TENM2: variants seen among roughly 807,000 people sequenced by gnomAD.
TENM2 encodes the protein teneurin-2.
A neutral mutation model predicts 245.2 loss-of-function variants in TENM2; 52 were observed. The observed-to-expected ratio is 0.21, with a 90% CI of 0.17 to 0.27. The LOEUF is 0.27. TENM2 is among the 10% of genes least tolerant of loss of function. TENM2 has a pLI of 1.00. For synonymous variants in TENM2, 1,363 were observed against 1,438.9 expected (o/e 0.95, Z 1.19); for missense variants, 3,046 against 3,666.8 (o/e 0.83, Z 4.37).
chr5:167,005,789 G>C, the TENM2 span, among the ~76,000 whole-genome samples: 1 of 150,418 alleles, frequency 6.6e-6, no homozygotes, highest in African/African-American at 2.4e-5. Flanking sequence ...AGCCTCCTGA[G>C]TAGCTGGGAT....
At chr5:167,486,688 T>G (rs1439321330) in intron 2 of TENM2, among the ~76,000 whole-genome samples, 1 of 152,176 alleles carries the variant, frequency 6.6e-6, no homozygotes, top group African/African-American at 2.4e-5. Flanking sequence ...GCCTAAAGAA[T>G]ACATCACTAG....
chr5:167,326,353 C>T (rs950368243), intron 1 of TENM2, among the ~76,000 whole-genome samples: 3 of 151,992 alleles, frequency 2.0e-5, no homozygotes, highest in African/African-American at 4.8e-5. Context: ...GGCCAAAAAT[C>T]GTAGTAATTT....
intron 19 of TENM2, among the ~76,000 whole-genome samples, chr5:168,208,798 C>A (rs1762568576): frequency 6.6e-6 from 1 of 152,052 alleles, no homozygotes; most frequent in Non-Finnish European, 1.5e-5. Flanking sequence ...AAGACTAATA[C>A]AATTTCAGAG....
the TENM2 span, among the ~76,000 whole-genome samples, chr5:167,258,215 G>GTGTATATATA: frequency 2.3e-3 from 282 of 122,858 alleles, 1 homozygote; most frequent in African/African-American, 8.6e-3. Flanking sequence ...ATATATATAT[G>GTGTATATATA]TATATATATA....
At chr5:167,477,325 G>A (rs1383848027) in intron 2 of TENM2, among the ~76,000 whole-genome samples, 1 of 148,626 alleles carries the variant, frequency 6.7e-6, no homozygotes, top group Admixed American at 6.7e-5. Context: ...CCTTTGACTC[G>A]TGCTAAGGAA....
chr5:167,675,418 A>C (rs887629152), intron 2 of TENM2, among the ~76,000 whole-genome samples: 1 of 152,136 alleles, frequency 6.6e-6, no homozygotes, highest in Non-Finnish European at 1.5e-5. Flanking sequence ...ATGAACCCAC[A>C]GTACATTTTT....
chr5:167,318,155 T>C (rs563973426), intron 1 of TENM2, among the ~76,000 whole-genome samples: 457 of 152,284 alleles, frequency 3.0e-3, no homozygotes, highest in Non-Finnish European at 5.3e-3. Flanking sequence ...TGTATATAAA[T>C]GGCTTCAGTT....
At chr5:167,608,362 AT>A (rs1275649736) in intron 2 of TENM2, among the ~76,000 whole-genome samples, 2 of 152,158 alleles carry the variant, frequency 1.3e-5, no homozygotes, top group African/African-American at 4.8e-5. Flanking sequence ...TTATCTGTTA[AT>A]CGAAGGAAAA....
At chr5:168,091,598 C>T (rs1792944314) in intron 8 of TENM2, among the ~76,000 whole-genome samples, 1 of 152,110 alleles carries the variant, frequency 6.6e-6, no homozygotes, top group African/African-American at 2.4e-5. Flanking sequence ...CTGGGTAGAA[C>T]CTCTGTGAAT....
At chr5:168,169,393 C>A (rs921703342) in intron 13 of TENM2, among the ~76,000 whole-genome samples, 16 of 152,196 alleles carry the variant, frequency 1.1e-4, no homozygotes, top group Non-Finnish European at 2.2e-4. Context: ...AGGAGGCTGC[C>A]TTGGGTTAAG....
chr5:168,238,268 A>AGAAAAG lies in TENM2; in HGVS notation c.5521-6151_5521-6146dup, dbSNP rs1765766560. On this transcript the variant is annotated intron_variant, in intron 25 of 28. Transcript: ENST00000518659. ...AGAAAAGAAAAGAAAAGAAAAGAAA[A>AGAAAAG]GAAAAGAAAAGAAAAGAAAAGAAAA... Among the ~76,000 whole-genome samples, 3 of 120,828 alleles carry AGAAAAG rather than the reference A, an allele frequency of 2.5e-5. 1 individual carries two copies. The highest frequency in any genetic ancestry group is 7.6e-4 in the East Asian group (2 of 2,616). 79.3% of individuals were successfully genotyped at this position (120,828 alleles called of 152,430 possible).
At chr5:167,532,968 GA>G (rs1457530922) in intron 2 of TENM2, among the ~76,000 whole-genome samples, 7 of 151,958 alleles carry the variant, frequency 4.6e-5, no homozygotes, top group Non-Finnish European at 8.8e-5. Context: ...TCCAAAATAT[GA>G]ATGTGAAAAC....
chr5:167,273,590 TA>T, the TENM2 span, among the ~76,000 whole-genome samples: 193 of 152,222 alleles, frequency 1.3e-3, 3 homozygotes, highest in South Asian at 0.037. Context: ...AGAATTGTCT[TA>T]AAAAATATGT....
the TENM2 span, among the ~76,000 whole-genome samples, chr5:167,207,778 A>T: frequency 1.3e-5 from 2 of 152,032 alleles, no homozygotes; most frequent in Non-Finnish European, 2.9e-5. Context: ...TTTGAGATGG[A>T]GTTTCACACT....
chr5:167,808,064 CTT>C (rs1334190586), intron 2 of TENM2, among the ~76,000 whole-genome samples: 3 of 152,170 alleles, frequency 2.0e-5, no homozygotes, highest in African/African-American at 7.2e-5. Flanking sequence ...AAGAACTCCT[CTT>C]GAGTCTCAGC....
At chr5:168,165,759 C>A (rs1758228714) in intron 13 of TENM2, 1 of 137,712 alleles carries the variant, frequency 7.3e-6, no homozygotes, top group Admixed American at 7.6e-5. Flanking sequence ...GTTACGGGAA[C>A]TGTTAAAGCA....
intron 20 of TENM2, among the ~76,000 whole-genome samples, chr5:168,214,491 G>A (rs1763027386): frequency 6.6e-6 from 1 of 152,202 alleles, no homozygotes. Context: ...TGTCCACACT[G>A]AAGAGCAGTA....
intron 2 of TENM2, among the ~76,000 whole-genome samples, chr5:167,524,691 G>C (rs1770987171): frequency 6.6e-6 from 1 of 151,770 alleles, no homozygotes; most frequent in African/African-American, 2.4e-5. Flanking sequence ...AAAAATACCA[G>C]AGGCATAAAT....
intron 27 of TENM2, among the ~76,000 whole-genome samples, chr5:168,249,567 G>A (rs747517161): frequency 7.9e-5 from 12 of 152,024 alleles, no homozygotes; most frequent in African/African-American, 2.2e-4. Flanking sequence ...GACCTTGGCC[G>A]GCAGAAGTGA....
Sources: allele counts gnomAD v4.1 joint callset (sites outside exome capture counted in the v4.1 genomes callset), GRCh38; gene constraint gnomAD v4.1.1; transcripts MANE v1.5; gene names NCBI Gene and HGNC (gene_info 2026-07-23, HGNC 2026-07-21).